PPP1R21: variants seen among roughly 807,000 people sequenced by gnomAD.
PPP1R21 encodes KLRAQ motif containing 1.
Under a neutral mutation model 112.8 loss-of-function variants are expected in PPP1R21, and 85 were observed. That is an observed-to-expected ratio of 0.75 (90% CI 0.63 to 0.90). The LOEUF (loss-of-function observed/expected upper bound fraction) is 0.90. PPP1R21 is among the 40% of genes least tolerant of loss of function. The probability of loss-of-function intolerance (pLI) is 0.00; values close to 1 mark genes in which losing one functional copy is unlikely to be tolerated. For missense variants in PPP1R21, 1,199 were observed against 901.5 expected (o/e 1.33, Z -4.23); for synonymous variants, 381 against 322.3 (o/e 1.18, Z -1.95).
intron 3 of PPP1R21, among the ~76,000 whole-genome samples, chr2:48,455,200 G>T (rs771096997): frequency 7.4e-6 from 1 of 135,278 alleles, no homozygotes; most frequent in Non-Finnish European, 1.5e-5. Context: ...AGGCTAGAGT[G>T]CAATGGCACG....
intron 7 of PPP1R21, among the ~76,000 whole-genome samples, chr2:48,464,544 G>A (rs1024128540): frequency 1.3e-5 from 2 of 152,174 alleles, no homozygotes; most frequent in Non-Finnish European, 2.9e-5. Flanking sequence ...GTAATGTAGT[G>A]TCAGGAAAAC....
chr2:48,485,996 A>G (rs1669275379), intron 13 of PPP1R21, among the ~76,000 whole-genome samples: 1 of 148,308 alleles, frequency 6.7e-6, no homozygotes, highest in Non-Finnish European at 1.5e-5. Context: ...ATACAATTAT[A>G]TATAATATAA....
Position 48,510,063 on chromosome 2 carries a change from G to C in PPP1R21, c.2134G>C (p.Ala712Pro), listed in dbSNP as rs773465448. 6.2e-7 allele frequency: 1 copy of C among 1,614,098 alleles called. No homozygotes were observed. The highest frequency in any genetic ancestry group is 8.5e-7 in the Non-Finnish European group (1 of 1,179,958). ...GGCCTTGGCTGAAAAGTCTAAGGAA[G>C]CATTGACAGAAGAAATGAAACTTGC... Reference protein sequence around the residue: ...RLALAEKSKEALTEEMKLASQ... With the variant: ...RLALAEKSKEPLTEEMKLASQ... The change falls in exon 20 of 22, where the codon GCA (alanine) becomes CCA (proline). Residue 712 changes from alanine to proline, a missense_variant. Transcript: ENST00000294952.
At chr2:48,510,921 A>G (rs1441993258) in intron 20 of PPP1R21, among the ~76,000 whole-genome samples, 2 of 152,238 alleles carry the variant, frequency 1.3e-5, no homozygotes, top group African/African-American at 4.8e-5. Context: ...GGAGGCTGAG[A>G]AAAACTTGTT....
At chr2:48,464,129 C>G (rs1274572868) in intron 7 of PPP1R21, among the ~76,000 whole-genome samples, 5 of 152,132 alleles carry the variant, frequency 3.3e-5, no homozygotes, top group Non-Finnish European at 1.5e-5. Flanking sequence ...GGAAGCAAAA[C>G]AAGCAAGGCT....
intron 17 of PPP1R21, among the ~76,000 whole-genome samples, chr2:48,503,323 A>G (rs971394568): frequency 3.9e-5 from 6 of 152,332 alleles, no homozygotes; most frequent in African/African-American, 1.4e-4. Flanking sequence ...CATAATGTTA[A>G]AACATAAACA....
In PPP1R21 at chr2:48,440,827, G is replaced by GGCGGCGGCGGCGGCT. The variant is rs1666980015; in HGVS notation, c.-119_-118insGGCGGCTGCGGCGGC. 1 of 689,564 alleles carries GGCGGCGGCGGCGGCT rather than the reference G, an allele frequency of 1.5e-6. No homozygotes were observed. Among genetic ancestry groups the GGCGGCGGCGGCGGCT allele is most frequent in the African/African-American group, 1.9e-5 (1 of 52,426 alleles). 42.7% of individuals were successfully genotyped at this position (689,564 alleles called of 1,614,324 possible). On this transcript the variant is annotated 5_prime_UTR_variant, in exon 1 of 22. Transcript: ENST00000294952. ...GAGGAGGAGGCGCGGCGGCGGCGGC[G>GGCGGCGGCGGCGGCT]GCGGCGGCTGCGGTGGCCAAGCAGG...
At chr2:48,488,661 T>G (rs1267618513) in intron 14 of PPP1R21, among the ~76,000 whole-genome samples, 1 of 152,236 alleles carries the variant, frequency 6.6e-6, no homozygotes, top group Admixed American at 6.5e-5. Context: ...TTACTTTGCC[T>G]GAAACCGTAA....
At chr2:48,509,815 C>T (rs1348329011) in intron 19 of PPP1R21, among the ~76,000 whole-genome samples, 200 bp from the exon 20 acceptor site, 1 of 152,162 alleles carries the variant, frequency 6.6e-6, no homozygotes, top group Non-Finnish European at 1.5e-5. Flanking sequence ...TTTCCCCTTA[C>T]TGAAATGACA....
At chr2:48,507,557 C>T (rs1464172753) in intron 19 of PPP1R21, among the ~76,000 whole-genome samples, 172 bp downstream of exon 19, 1 of 151,848 alleles carries the variant, frequency 6.6e-6, no homozygotes, top group Non-Finnish European at 1.5e-5. Flanking sequence ...TTAGTAGAGA[C>T]GGGGTTTCAC....
chr2:48,487,756 A>T (rs1463810532), intron 14 of PPP1R21, among the ~76,000 whole-genome samples: 1 of 148,830 alleles, frequency 6.7e-6, no homozygotes, highest in African/African-American at 2.5e-5. Context: ...GCAAGACCCT[A>T]TCTCAAAAAA....
intron 19 of PPP1R21, among the ~76,000 whole-genome samples, chr2:48,508,795 G>C (rs1432626975): frequency 6.6e-6 from 1 of 152,230 alleles, no homozygotes; most frequent in Non-Finnish European, 1.5e-5. Flanking sequence ...AAAATTTTGT[G>C]AGAAATGAAA....
intron 14 of PPP1R21, among the ~76,000 whole-genome samples, chr2:48,490,805 TG>T (rs1399506846): frequency 6.6e-6 from 1 of 152,216 alleles, no homozygotes; most frequent in African/African-American, 2.4e-5. Flanking sequence ...GTCAGAAATT[TG>T]TTCTGACTAT....
chr2:48,485,795 ATTG>A (rs1181092741), intron 13 of PPP1R21, among the ~76,000 whole-genome samples: 1 of 150,582 alleles, frequency 6.6e-6, no homozygotes, highest in Non-Finnish European at 1.5e-5. Flanking sequence ...AATTAATGAA[ATTG>A]TTTGTACAGA....
At chr2:48,451,228 C>T in intron 2 of PPP1R21, 152 bp downstream of exon 2, 1 of 612,496 alleles carries the variant, frequency 1.6e-6, no homozygotes, top group South Asian at 2.0e-5. Flanking sequence ...GGTTAATTTT[C>T]CTACTTGCTT....
At chr2:48,497,797 G>A (rs777061567) in intron 16 of PPP1R21, among the ~76,000 whole-genome samples, 7 of 151,802 alleles carry the variant, frequency 4.6e-5, no homozygotes, top group Non-Finnish European at 1.0e-4. Context: ...GACTACAGGC[G>A]CCCGCCGCCA....
intron 12 of PPP1R21, among the ~76,000 whole-genome samples, chr2:48,476,322 A>T (rs1668754252): frequency 6.6e-6 from 1 of 152,148 alleles, no homozygotes; most frequent in South Asian, 2.1e-4. Flanking sequence ...TATTTTATGG[A>T]TGTATCACAT....
intron 15 of PPP1R21, among the ~76,000 whole-genome samples, chr2:48,493,013 T>C (rs1436529656): frequency 7.6e-6 from 1 of 130,912 alleles, no homozygotes; most frequent in African/African-American, 2.8e-5. Flanking sequence ...TCATTTACCT[T>C]TTTTTTTTTT....
intron 11 of PPP1R21, among the ~76,000 whole-genome samples, chr2:48,472,260 A>C (rs1462842252): frequency 4.0e-5 from 6 of 150,058 alleles, no homozygotes; most frequent in Non-Finnish European, 5.9e-5. Context: ...AAAAAAAAAA[A>C]AAAAAAAATC....
Sources: gnomAD v4.1 joint callset for allele counts (sites outside exome capture counted in the v4.1 genomes callset) on GRCh38, gnomAD v4.1.1 for gene constraint, MANE v1.5 for transcripts, NCBI Gene and HGNC (gene_info 2026-07-23, HGNC 2026-07-21) for gene names.